The following TSPAN9 variants were observed in gnomAD, a reference collection of about 807,000 sequenced individuals.
The protein encoded by TSPAN9 is tetraspanin-9.
In TSPAN9, 16 loss-of-function variants were observed where a neutral mutation model predicts 31.0. That is an observed-to-expected ratio of 0.52 (90% confidence interval 0.35 to 0.78). TSPAN9 has a LOEUF of 0.78. Among genes scored for constraint, TSPAN9 ranks in the 30% least tolerant of loss-of-function variants. TSPAN9 has a pLI of 0.01. For synonymous variants in TSPAN9, 145 were observed against 121.6 expected, an observed-to-expected ratio of 1.19 and a Z score of -1.27; for missense variants, 272 against 312.5, an observed-to-expected ratio of 0.87 and a Z score of 0.98.
Position 3,266,859 on chromosome 12 carries a change from G to T in TSPAN9, c.64-11562G>T, listed in dbSNP as rs143140677. Among the ~76,000 whole-genome samples, 306 of 152,350 alleles carry T rather than the reference G, an allele frequency of 2.0e-3. 2 individuals are homozygous for T. The highest frequency in any genetic ancestry group is 1.7e-3 in the Non-Finnish European group (118 of 68,038). ...CAGGGAGAAGATGCTCCACATGTGG[G>T]CCCTGTCAAAGGGCTAGAGCTAGAG... On this transcript the variant is annotated intron_variant, in intron 3 of 8. Transcript: ENST00000011898.
At chr12:3,253,812 T>TG (rs1862297584) in intron 3 of TSPAN9, among the ~76,000 whole-genome samples, 1 of 152,164 alleles carries the variant, frequency 6.6e-6, no homozygotes, top group South Asian at 2.1e-4. Context: ...ATGTTCTGTC[T>TG]GCTGTGCGTG....
intron 3 of TSPAN9, among the ~76,000 whole-genome samples, chr12:3,236,003 C>T (rs1030814934): frequency 2.0e-4 from 30 of 152,268 alleles, no homozygotes; most frequent in African/African-American, 7.2e-4. Context: ...GATCCTGATT[C>T]AGGGTTCCAC....
rs931628550 is a variant in TSPAN9, at chr12:3,143,972, A to G, written c.-17-57205A>G. On this transcript the variant is annotated intron_variant, in intron 2 of 8. Coordinates refer to ENST00000011898, the MANE Select transcript of TSPAN9 (RefSeq NM_006675.5). This position sits in a 1 kb window ranked among gnomAD's most constrained non-coding sequence, Gnocchi z 4.2. Reference sequence around the variant, plus strand: ...CATTGCTTCTAGGTCCTCTCAGAGAATAGAACTAAGAAATAGATATATGTC... The same window carrying G: ...CATTGCTTCTAGGTCCTCTCAGAGAGTAGAACTAAGAAATAGATATATGTC... Among the ~76,000 whole-genome samples the G allele has an allele frequency of 2.0e-5, 3 of 152,238 alleles. No individual in the cohort carries two copies. The highest frequency in any genetic ancestry group is 7.2e-5 in the African/African-American group (3 of 41,460).
intron 2 of TSPAN9, 168 bp from the exon 3 acceptor site, chr12:3,201,009 C>A: frequency 1.6e-6 from 1 of 614,822 alleles, no homozygotes; most frequent in East Asian, 2.8e-5. Flanking sequence ...CCGTCCACCT[C>A]CGGCCGCCCG....
In TSPAN9 at chr12:3,280,610, G is replaced by A. The variant is rs145081091; in HGVS notation, c.432+127G>A. 9 of 830,306 alleles carry A rather than the reference G, an allele frequency of 1.1e-5. No homozygotes were observed. In the African/African-American group the frequency reaches 1.5e-4, roughly 14 times the overall value. The allele number at this position is 830,306 out of a possible 1,614,324, so 51.4% of individuals were successfully genotyped here. A position where few individuals can be genotyped will look rare whatever the true frequency, so the allele number is the denominator to read the frequency against. On this transcript the variant is annotated intron_variant, in intron 6 of 8. Coordinates refer to ENST00000011898, the MANE Select transcript of TSPAN9 (RefSeq NM_006675.5). The surrounding 1 kb of genome is among the most constrained non-coding windows in gnomAD (Gnocchi z 4.5). ...CTGGATTTTAGCCGGGAGTGGAGTG[G>A]TACCCACGGGGGCATTTGCCTGAAC...
At chr12:3,126,860 G>A (rs1311121787) in intron 2 of TSPAN9, among the ~76,000 whole-genome samples, 1 of 152,150 alleles carries the variant, frequency 6.6e-6, no homozygotes, top group East Asian at 1.9e-4. Context: ...TCCAGCTTGG[G>A]CACCTGAGTG....
At chr12:3,167,483 A>C (rs2098349138) in intron 2 of TSPAN9, among the ~76,000 whole-genome samples, 1 of 152,200 alleles carries the variant, frequency 6.6e-6, no homozygotes, top group Admixed American at 6.5e-5. Context: ...TCTCTTGTGT[A>C]CTTTTGCACA....
intron 2 of TSPAN9, among the ~76,000 whole-genome samples, chr12:3,137,417 C>T (rs1314741856): frequency 6.6e-6 from 1 of 152,202 alleles, no homozygotes; most frequent in Admixed American, 6.5e-5. Context: ...CAGAGCCCCG[C>T]CTCCTGCTGC....
intron 2 of TSPAN9, among the ~76,000 whole-genome samples, chr12:3,088,390 C>T (rs2098301804): frequency 6.6e-6 from 1 of 151,632 alleles, no homozygotes; most frequent in Non-Finnish European, 1.5e-5. Flanking sequence ...GTGTGAGTCA[C>T]TCCAAATTAG....
At chr12:3,256,382 G>C (rs578125296) in intron 3 of TSPAN9, among the ~76,000 whole-genome samples, 2 of 152,236 alleles carry the variant, frequency 1.3e-5, no homozygotes, top group African/African-American at 4.8e-5. Context: ...GCAGGGGTCC[G>C]GCAGTCGCAG....
intron 2 of TSPAN9, among the ~76,000 whole-genome samples, chr12:3,101,736 A>C (rs1306679420): frequency 1.3e-5 from 2 of 152,164 alleles, no homozygotes; most frequent in Non-Finnish European, 2.9e-5. Flanking sequence ...CCCTTCTGTC[A>C]GCACCTTGTC....
chr12:3,223,761 G>C (rs552550907), intron 3 of TSPAN9, among the ~76,000 whole-genome samples: 5 of 152,212 alleles, frequency 3.3e-5, no homozygotes, highest in African/African-American at 1.2e-4. Context: ...TAACACAGGG[G>C]CATGAATTCA....
At chr12:3,116,620 G>A (rs977236460) in intron 2 of TSPAN9, among the ~76,000 whole-genome samples, 5 of 152,094 alleles carry the variant, frequency 3.3e-5, no homozygotes, top group Admixed American at 6.6e-5. Flanking sequence ...CTGGATTCCC[G>A]TCATGTGGCC....
rs2098315301 is a variant in TSPAN9 at position 3,107,521 on chromosome 12, C to G, written c.-18+23802C>G. On this transcript the variant is annotated intron_variant, in intron 2 of 8. Coordinates refer to ENST00000011898, the MANE Select transcript of TSPAN9 (RefSeq NM_006675.5). The surrounding 1 kb of genome is among the most constrained non-coding windows in gnomAD (Gnocchi z 4.1). Reference sequence around the variant, plus strand: ...AGAGAGGGACCAAGGACAGCAGACCCCCAGTCCAGCCCCCCTATCCCTGTG... The same window carrying G: ...AGAGAGGGACCAAGGACAGCAGACCGCCAGTCCAGCCCCCCTATCCCTGTG... Among the ~76,000 whole-genome samples the G allele has an allele frequency of 6.6e-6, 1 of 152,126 alleles. No homozygotes were observed. Among genetic ancestry groups the G allele is most frequent in the African/African-American group, 2.4e-5 (1 of 41,428 alleles).
intron 3 of TSPAN9, among the ~76,000 whole-genome samples, chr12:3,267,994 G>A (rs555115212): frequency 6.6e-6 from 1 of 152,222 alleles, no homozygotes; most frequent in South Asian, 2.1e-4. Flanking sequence ...GAAAAGGCAT[G>A]TCGAAGGGTC....
At chr12:3,252,357 C>G (rs1480618370) in intron 3 of TSPAN9, among the ~76,000 whole-genome samples, 1 of 152,198 alleles carries the variant, frequency 6.6e-6, no homozygotes, top group African/African-American at 2.4e-5. Context: ...ATGGGGAAGC[C>G]CATTCCAGGC....
intron 3 of TSPAN9, among the ~76,000 whole-genome samples, chr12:3,259,149 G>A (rs1862404147): frequency 6.6e-6 from 1 of 152,232 alleles, no homozygotes; most frequent in African/African-American, 2.4e-5. Flanking sequence ...AAGGCATAGA[G>A]AAGTTAAGTC....
chr12:3,230,411 C>T (rs895428538), intron 3 of TSPAN9, among the ~76,000 whole-genome samples: 2 of 152,152 alleles, frequency 1.3e-5, no homozygotes, highest in Admixed American at 6.5e-5. Flanking sequence ...CTGCCTGCAT[C>T]TCACCGTCTC....
intron 2 of TSPAN9, among the ~76,000 whole-genome samples, chr12:3,120,192 C>T (rs995368330): frequency 3.3e-5 from 5 of 152,154 alleles, no homozygotes; most frequent in Non-Finnish European, 2.9e-5. Flanking sequence ...GGAGGAATTC[C>T]AAGGCCATAA....
Sources: allele counts gnomAD v4.1 joint callset (sites outside exome capture counted in the v4.1 genomes callset), GRCh38; gene constraint gnomAD v4.1.1; non-coding constraint Gnocchi (gnomAD v3.1); transcripts MANE v1.5; gene names NCBI Gene and HGNC (gene_info 2026-07-23, HGNC 2026-07-21).